The following BRAF variants were observed in gnomAD, a reference collection of about 807,000 sequenced individuals.
BRAF encodes the protein serine/threonine-protein kinase B-raf.
Under a neutral mutation model 104.6 loss-of-function variants are expected in BRAF, and 16 were observed. The ratio of observed to expected loss-of-function variants is 0.15; its 90% confidence interval spans 0.10 to 0.23. BRAF has a LOEUF of 0.23. BRAF is among the 10% of genes least tolerant of loss of function. BRAF has a pLI of 1.00. For missense variants in BRAF, 541 were observed against 937.3 expected (o/e 0.58, Z 5.52); for synonymous variants, 310 against 341.6 (o/e 0.91, Z 1.02).
At chr7:140,837,795 A>C (rs1807502495) in intron 2 of BRAF, among the ~76,000 whole-genome samples, 1 of 152,094 alleles carries the variant, frequency 6.6e-6, no homozygotes, top group South Asian at 2.1e-4. Flanking sequence ...CTTTTAATTC[A>C]CTCTGAAAAT....
chr7:140,731,068 G>A (rs1320215533), intron 19 of BRAF: 1 of 152,144 alleles, frequency 6.6e-6, no homozygotes, highest in Non-Finnish European at 1.5e-5. Flanking sequence ...CCAGGCTGGA[G>A]TGCAGTGGCA....
intron 1 of BRAF, among the ~76,000 whole-genome samples, chr7:140,872,956 G>C (rs1811779075): frequency 6.6e-6 from 1 of 152,040 alleles, no homozygotes; most frequent in South Asian, 2.1e-4. Flanking sequence ...TTGTATGCTA[G>C]AAAATAAGAA....
chr7:140,721,838 T>C lies in BRAF; in HGVS notation c.*4656A>G, dbSNP rs910638269. 7.4e-7 allele frequency: 1 copy of C among 1,348,334 alleles called. No individual in the cohort carries two copies. Among genetic ancestry groups the C allele is most frequent in the Non-Finnish European group, 9.5e-7 (1 of 1,052,670 alleles). 83.5% of individuals were successfully genotyped at this position (1,348,334 alleles called of 1,614,324 possible). On this transcript the variant is annotated 3_prime_UTR_variant, in exon 20 of 20. Transcript: ENST00000644969. ...AAAGGATGCCTTGAGACCTCCACCC[T>C]GGCCCCCACAGCGCTTTGGGACAGG...
At chr7:140,907,891 C>T (rs897275671) in intron 1 of BRAF, among the ~76,000 whole-genome samples, 5 of 152,118 alleles carry the variant, frequency 3.3e-5, no homozygotes, top group Non-Finnish European at 7.4e-5. Flanking sequence ...ATTACAGGTG[C>T]ACCTCACCAC....
intron 1 of BRAF, among the ~76,000 whole-genome samples, chr7:140,868,971 G>A (rs2129090557): frequency 6.6e-6 from 1 of 152,252 alleles, no homozygotes; most frequent in African/African-American, 2.4e-5. Context: ...TGGTAAATTG[G>A]ATGTGAGGTA....
rs1236386673 is a variant in BRAF at position 140,723,728 on chromosome 7, A to G, written c.*2766T>C. 3.8e-6 allele frequency: 4 copies of G among 1,049,200 alleles called. 1 individual carries two copies. Among genetic ancestry groups the G allele is most frequent in the Non-Finnish European group, 4.6e-6 (4 of 869,114 alleles). 65.0% of individuals were successfully genotyped at this position (1,049,200 alleles called of 1,614,324 possible). On this transcript the variant is annotated 3_prime_UTR_variant, in exon 20 of 20. Transcript: ENST00000644969. ...CTCCCTACCAAAAATAAAACACACTACAGAAGGCACTGCAGCCACTTTACA... is the reference window on the plus strand; with the variant it reads ...CTCCCTACCAAAAATAAAACACACTGCAGAAGGCACTGCAGCCACTTTACA...
chr7:140,808,663 TC>T (rs1200571597), intron 4 of BRAF, among the ~76,000 whole-genome samples: 1 of 151,944 alleles, frequency 6.6e-6, no homozygotes, highest in Non-Finnish European at 1.5e-5. Flanking sequence ...AATCTCAAAT[TC>T]CAAATAAAAT....
At chr7:140,798,262 C>CTTTTTTTTCT (rs1554402845) in intron 7 of BRAF, among the ~76,000 whole-genome samples, 642 of 32,456 alleles carry the variant, frequency 0.02, 8 homozygotes, top group African/African-American at 0.11. Flanking sequence ...TGTATGGGGA[C>CTTTTTTTTCT]TTTTTTTTTC....
chr7:140,766,286 A>G (rs191230274), intron 14 of BRAF, among the ~76,000 whole-genome samples: 2 of 148,724 alleles, frequency 1.3e-5, no homozygotes, highest in African/African-American at 4.9e-5. Context: ...TCTGGGGACT[A>G]TTGTGGGGTG....
rs369837503 is a variant in BRAF, at chr7:140,794,428, A to T, written c.1020T>A (p.Ile340=). The change falls in exon 8 of 20, where the codon ATT becomes ATA. Residue 340 remains isoleucine, a synonymous_variant. Coordinates refer to ENST00000644969, the MANE Select transcript of BRAF (RefSeq NM_001374258.1). ...ILTSPSPSKS[I]PIPQPFRPAD... ...CTGGTCGGAAGGGCTGTGGAATTGGAATGGATTTTGAAGGAGACGGACTGG... is the reference window on the plus strand; with the variant it reads ...CTGGTCGGAAGGGCTGTGGAATTGGTATGGATTTTGAAGGAGACGGACTGG... The T allele has an allele frequency of 1.2e-6, 2 of 1,613,926 alleles. No homozygotes were observed. Among genetic ancestry groups the T allele is most frequent in the African/African-American group, 2.7e-5 (2 of 74,876 alleles).
At chr7:140,825,198 G>A (rs529125999) in intron 3 of BRAF, among the ~76,000 whole-genome samples, 3 of 151,980 alleles carry the variant, frequency 2.0e-5, no homozygotes, top group African/African-American at 7.2e-5. Flanking sequence ...TTGAACTCCC[G>A]ACCTCATGAT....
At chr7:140,819,709 T>C (rs1805272278) in intron 3 of BRAF, among the ~76,000 whole-genome samples, 1 of 152,154 alleles carries the variant, frequency 6.6e-6, no homozygotes, top group Admixed American at 6.5e-5. Flanking sequence ...GAAAACATTA[T>C]GCTAAGTAAA....
chr7:140,915,625 G>A (rs979510066), intron 1 of BRAF, among the ~76,000 whole-genome samples: 10 of 151,546 alleles, frequency 6.6e-5, no homozygotes, highest in Non-Finnish European at 1.2e-4. Context: ...TAGTAGAGAC[G>A]GAGTGTCTCC....
At chr7:140,871,083 C>T (rs1413305218) in intron 1 of BRAF, among the ~76,000 whole-genome samples, 1 of 149,168 alleles carries the variant, frequency 6.7e-6, no homozygotes. Flanking sequence ...AAAAAAAATA[C>T]AAAAAAAAAT....
At chr7:140,756,041 G>A (rs1239062792) in intron 14 of BRAF, among the ~76,000 whole-genome samples, 2 of 152,132 alleles carry the variant, frequency 1.3e-5, no homozygotes, top group Non-Finnish European at 2.9e-5. Context: ...CAAATTTGAT[G>A]CAGAGGAATA....
At chr7:140,915,036 G>A (rs1426150721) in intron 1 of BRAF, among the ~76,000 whole-genome samples, 1 of 90,264 alleles carries the variant, frequency 1.1e-5, no homozygotes, top group East Asian at 3.3e-4. Flanking sequence ...ATGATAGAGC[G>A]AGACTCCGTC....
At chr7:140,782,258 T>C (rs1271158717) in intron 11 of BRAF, among the ~76,000 whole-genome samples, 6 of 152,208 alleles carry the variant, frequency 3.9e-5, no homozygotes, top group Non-Finnish European at 7.3e-5. Flanking sequence ...TGAGCAGGAA[T>C]GTATATTACT....
At chr7:140,880,015 A>C (rs1347429286) in intron 1 of BRAF, among the ~76,000 whole-genome samples, 1 of 152,096 alleles carries the variant, frequency 6.6e-6, no homozygotes, top group Non-Finnish European at 1.5e-5. Flanking sequence ...TACAGGTGTA[A>C]GCTACCGTGC....
chr7:140,742,966 G>A (rs1797052986), intron 17 of BRAF, among the ~76,000 whole-genome samples: 1 of 152,026 alleles, frequency 6.6e-6, no homozygotes, highest in African/African-American at 2.4e-5. Flanking sequence ...AAAAACACAT[G>A]AAAAAATGCT....
Sources: gnomAD v4.1 joint callset for allele counts (sites outside exome capture counted in the v4.1 genomes callset) on GRCh38, gnomAD v4.1.1 for gene constraint, MANE v1.5 for transcripts, NCBI Gene and HGNC (gene_info 2026-07-23, HGNC 2026-07-21) for gene names.